The following PTDSS1 variants were observed in gnomAD, a reference collection of about 807,000 sequenced individuals.
PTDSS1 encodes PSS-1.
PTDSS1 carries 45 observed loss-of-function variants against 70.5 expected under a neutral mutation model. The ratio of observed to expected loss-of-function variants is 0.64; its 90% CI spans 0.50 to 0.82. The LOEUF is 0.82. Ranked by LOEUF, PTDSS1 falls within the 40% of genes least tolerant of loss-of-function variation. The pLI, the probability that PTDSS1 is intolerant of heterozygous loss-of-function variation, is 0.00. For synonymous variants in PTDSS1, 188 were observed against 203.8 expected, an observed-to-expected ratio of 0.92 and a Z score of 0.66; for missense variants, 417 against 586.1, an observed-to-expected ratio of 0.71 and a Z score of 2.98.
chr8:96,292,844 C>T (rs1198056212), intron 4 of PTDSS1, among the ~76,000 whole-genome samples: 4 of 152,182 alleles, frequency 2.6e-5, no homozygotes, highest in African/African-American at 7.2e-5. Flanking sequence ...AGGGCCTGAC[C>T]CACAAAAATT....
chr8:96,264,568 C>T (rs1401290751), intron 1 of PTDSS1, among the ~76,000 whole-genome samples: 1 of 152,072 alleles, frequency 6.6e-6, no homozygotes, highest in African/African-American at 2.4e-5. Flanking sequence ...GAGGGAGTTT[C>T]TCTGGAAATT....
intron 9 of PTDSS1, 127 bp downstream of exon 9, chr8:96,309,749 A>G (rs1811180260): frequency 5.9e-6 from 4 of 682,710 alleles, no homozygotes; most frequent in South Asian, 3.8e-5. Flanking sequence ...ACTAGATTTT[A>G]TATATCTATA....
intron 5 of PTDSS1, 104 bp downstream of exon 5, chr8:96,295,360 C>T (rs906699632): frequency 5.5e-6 from 7 of 1,262,644 alleles, no homozygotes; most frequent in South Asian, 3.9e-5. Flanking sequence ...TTCTCCAGCC[C>T]CTGTGGTACA....
intron 3 of PTDSS1, 38 bp from the exon 4 acceptor site, chr8:96,286,984 A>G: frequency 6.2e-7 from 1 of 1,611,528 alleles, no homozygotes; most frequent in Non-Finnish European, 8.5e-7. Context: ...TGACTATTGG[A>G]TCTCTTCTAA....
At chr8:96,301,706 G>A (rs1811053411) in intron 6 of PTDSS1, among the ~76,000 whole-genome samples, 1 of 151,480 alleles carries the variant, frequency 6.6e-6, no homozygotes, top group African/African-American at 2.4e-5. Context: ...AGGAGAAACG[G>A]GGTTTCTCTG....
intron 12 of PTDSS1, among the ~76,000 whole-genome samples, chr8:96,331,911 G>A (rs1157543240): frequency 2.7e-5 from 4 of 150,918 alleles, no homozygotes; most frequent in African/African-American, 9.7e-5. Flanking sequence ...TTAGCCAGAT[G>A]TGGTGGCACA....
chr8:96,265,057 A>G (rs1225976331), intron 1 of PTDSS1, among the ~76,000 whole-genome samples: 4 of 151,878 alleles, frequency 2.6e-5, no homozygotes, highest in African/African-American at 4.9e-5. Context: ...TGATAGCTCT[A>G]TATTCCTCCA....
chr8:96,262,061 C>T lies in PTDSS1; in HGVS notation c.21C>T (p.Ser7=), dbSNP rs983211293. 5 of 1,613,084 alleles carry T rather than the reference C, an allele frequency of 3.1e-6. No individual in the cohort carries two copies. The highest frequency in any genetic ancestry group is 4.2e-6 in the Non-Finnish European group (5 of 1,179,484). MASCVG[S]RTLSKDDVNY... The stretch of plus-strand genomic sequence containing the variant: ...GGGCCATGGCGTCCTGCGTGGGGAG[C>T]CGGACCCTAAGCAAGGATGATGTGA... The change falls in exon 1 of 13, where the codon AGC becomes AGT. Residue 7 remains serine, a synonymous_variant. Transcript: ENST00000517309. The surrounding 1 kb of genome is among the most constrained non-coding windows in gnomAD (Gnocchi z 4.4).
chr8:96,265,454 C>G (rs1810472791), intron 1 of PTDSS1, among the ~76,000 whole-genome samples: 3 of 152,110 alleles, frequency 2.0e-5, no homozygotes, highest in Admixed American at 6.5e-5. Context: ...CCTGTTAAAC[C>G]ATAGTATTTA....
At chr8:96,295,854 C>G (rs1212487558) in intron 5 of PTDSS1, among the ~76,000 whole-genome samples, 2 of 152,174 alleles carry the variant, frequency 1.3e-5, no homozygotes, top group Non-Finnish European at 2.9e-5. Flanking sequence ...GCGCAGTATA[C>G]TTCTCCATGC....
chr8:96,263,866 T>C (rs1335304231), intron 1 of PTDSS1, among the ~76,000 whole-genome samples: 1 of 152,056 alleles, frequency 6.6e-6, no homozygotes, highest in Non-Finnish European at 1.5e-5. Flanking sequence ...CAAATCCTCA[T>C]AAAACTAATA....
intron 9 of PTDSS1, among the ~76,000 whole-genome samples, chr8:96,315,099 C>T (rs887315807): frequency 6.6e-6 from 1 of 152,206 alleles, no homozygotes; most frequent in Non-Finnish European, 1.5e-5. Context: ...ATTGTTTATG[C>T]CACACTTAGC....
chr8:96,322,237 G>A (rs1466708720), intron 10 of PTDSS1, among the ~76,000 whole-genome samples: 1 of 152,102 alleles, frequency 6.6e-6, no homozygotes, highest in Non-Finnish European at 1.5e-5. Flanking sequence ...GCCCTCTCTG[G>A]TCCCTGTCTT....
intron 9 of PTDSS1, among the ~76,000 whole-genome samples, chr8:96,313,804 G>T (rs1811246242): frequency 6.6e-6 from 1 of 152,250 alleles, no homozygotes. Flanking sequence ...GCTCTCCAAG[G>T]TCAGCTCCAA....
intron 12 of PTDSS1, among the ~76,000 whole-genome samples, 171 bp downstream of exon 12, chr8:96,331,266 G>A (rs1271477268): frequency 2.0e-5 from 3 of 152,118 alleles, no homozygotes; most frequent in Non-Finnish European, 2.9e-5. Flanking sequence ...GGTGGCTCAC[G>A]CCTGTAATCC....
intron 9 of PTDSS1, among the ~76,000 whole-genome samples, chr8:96,312,257 C>G (rs1160917760): frequency 6.6e-6 from 1 of 152,148 alleles, no homozygotes; most frequent in Non-Finnish European, 1.5e-5. Context: ...TTGAGACTAG[C>G]CTGGGTAACA....
chr8:96,278,229 T>A (rs148793080), intron 2 of PTDSS1, among the ~76,000 whole-genome samples: 303 of 152,354 alleles, frequency 2.0e-3, no homozygotes, highest in African/African-American at 6.9e-3. Flanking sequence ...ACATGTCTCT[T>A]CTCAACCAGT....
At chr8:96,284,790 C>A (rs538789932) in intron 3 of PTDSS1, among the ~76,000 whole-genome samples, 156 of 152,296 alleles carry the variant, frequency 1.0e-3, no homozygotes, top group African/African-American at 3.7e-3. Flanking sequence ...AAAATGTAAT[C>A]TTATGTAAAA....
At chr8:96,324,196 G>A (rs373784408) in intron 10 of PTDSS1, among the ~76,000 whole-genome samples, 2 of 152,112 alleles carry the variant, frequency 1.3e-5, no homozygotes, top group African/African-American at 4.8e-5. Context: ...CATTCTGGTC[G>A]GGAACGCTTA....
Sources: allele counts gnomAD v4.1 joint callset (sites outside exome capture counted in the v4.1 genomes callset), GRCh38; gene constraint gnomAD v4.1.1; non-coding constraint Gnocchi (gnomAD v3.1); transcripts MANE v1.5; gene names NCBI Gene and HGNC (gene_info 2026-07-23, HGNC 2026-07-21).